The following ADAMTSL1 variants were observed in gnomAD, a reference collection of about 807,000 sequenced individuals.
ADAMTSL1 encodes the protein ADAMTS like 1.
ADAMTSL1 carries 126 observed loss-of-function variants against 201.8 expected under a neutral mutation model. That is an observed-to-expected ratio of 0.62 (90% CI 0.54 to 0.72). The LOEUF (loss-of-function observed/expected upper bound fraction) is 0.72. Among genes scored for constraint, ADAMTSL1 ranks in the 30% least tolerant of loss-of-function variants. The pLI, the probability that ADAMTSL1 is intolerant of heterozygous loss-of-function variation, is 0.00. For synonymous variants in ADAMTSL1, 1,121 were observed against 903.4 expected, an observed-to-expected ratio of 1.24 and a Z score of -4.32; for missense variants, 2,679 against 2,277.8, an observed-to-expected ratio of 1.18 and a Z score of -3.59.
chr9:18,684,299 CAA>C (rs201718795), intron 12 of ADAMTSL1, among the ~76,000 whole-genome samples: 223 of 132,678 alleles, frequency 1.7e-3, no homozygotes, highest in African/African-American at 5.9e-3. Context: ...AGCTAAAAGG[CAA>C]AAAAAAAAAA....
intron 1 of ADAMTSL1, among the ~76,000 whole-genome samples, chr9:17,970,364 C>T (rs1256627153): frequency 6.6e-6 from 1 of 152,018 alleles, no homozygotes; most frequent in Non-Finnish European, 1.5e-5. Context: ...TTGCCTTTTT[C>T]ATGTGAGCAT....
At chr9:18,567,826 A>G (rs1822019260) in intron 3 of ADAMTSL1, among the ~76,000 whole-genome samples, 1 of 152,226 alleles carries the variant, frequency 6.6e-6, no homozygotes, top group Admixed American at 6.5e-5. Flanking sequence ...TTTAATTTAT[A>G]AATCACATTG....
At chr9:18,133,989 T>C (rs1003667658) in intron 1 of ADAMTSL1, among the ~76,000 whole-genome samples, 84 of 152,114 alleles carry the variant, frequency 5.5e-4, no homozygotes, top group African/African-American at 1.8e-3. Flanking sequence ...TGAGAGAAGA[T>C]GGAATAACAG....
chr9:18,404,371 A>T (rs1818103221), intron 2 of ADAMTSL1, among the ~76,000 whole-genome samples: 1 of 152,180 alleles, frequency 6.6e-6, no homozygotes, highest in African/African-American at 2.4e-5. Context: ...TTTTATGAAT[A>T]TTTGAATCTA....
intron 2 of ADAMTSL1, among the ~76,000 whole-genome samples, chr9:18,246,129 T>G (rs1831251503): frequency 6.6e-6 from 1 of 152,202 alleles, no homozygotes; most frequent in Non-Finnish European, 1.5e-5. Flanking sequence ...CTTTTATTTT[T>G]TAATAACCGT....
At chr9:18,873,230 T>C (rs1214801980) in intron 23 of ADAMTSL1, among the ~76,000 whole-genome samples, 1 of 152,218 alleles carries the variant, frequency 6.6e-6, no homozygotes, top group African/African-American at 2.4e-5. Flanking sequence ...TTGTGAAGAT[T>C]TTCTCCCACT....
chr9:18,716,728 C>A lies in ADAMTSL1; in HGVS notation c.1877-4808C>A, dbSNP rs982003543. Among the ~76,000 whole-genome samples the A allele has an allele frequency of 6.5e-4, 97 of 148,588 alleles. 1 individual carries two copies. The highest frequency in any genetic ancestry group is 2.4e-3 in the African/African-American group (95 of 40,304). ...AGAAATACCATTTGATCCAGCCATC[C>A]CATTACTGGGTATATACCCAAAGGA... is the stretch of plus-strand genomic sequence containing the variant. On this transcript the variant is annotated intron_variant, in intron 14 of 28. Transcript: ENST00000380548.
chr9:18,385,399 C>A (rs769595326), intron 2 of ADAMTSL1, among the ~76,000 whole-genome samples: 1 of 152,110 alleles, frequency 6.6e-6, no homozygotes, highest in Non-Finnish European at 1.5e-5. Context: ...AGTGTCTCCA[C>A]TGAAAACAAT....
intron 5 of ADAMTSL1, among the ~76,000 whole-genome samples, chr9:18,634,458 G>T (rs1826971221): frequency 6.6e-6 from 1 of 152,000 alleles, no homozygotes; most frequent in African/African-American, 2.4e-5. Context: ...AGCTACTTGG[G>T]GTGCTGAAGT....
intron 2 of ADAMTSL1, among the ~76,000 whole-genome samples, chr9:18,409,243 C>CATGGT (rs765041881): frequency 1.3e-5 from 2 of 151,484 alleles, no homozygotes; most frequent in South Asian, 4.2e-4. Context: ...ATTAGCCAGG[C>CATGGT]ATGGTGGTGC....
chr9:18,223,705 T>C (rs1026343026), intron 2 of ADAMTSL1, among the ~76,000 whole-genome samples: 1 of 152,148 alleles, frequency 6.6e-6, no homozygotes, highest in Admixed American at 6.5e-5. Context: ...TTTTATGTAT[T>C]GTACCTGAAA....
At chr9:18,233,066 C>G (rs66580515) in intron 2 of ADAMTSL1, among the ~76,000 whole-genome samples, 18,093 of 152,178 alleles carry the variant, frequency 0.12, 1,137 homozygotes, top group Middle Eastern at 0.22. Context: ...GTTCCTCAAG[C>G]ACAGAGCTTG....
intron 1 of ADAMTSL1, among the ~76,000 whole-genome samples, chr9:18,119,027 C>T (rs929786405): frequency 6.6e-6 from 1 of 152,166 alleles, no homozygotes; most frequent in Non-Finnish European, 1.5e-5. Flanking sequence ...CCTTCACATA[C>T]TGATCATGTG....
At chr9:18,260,773 C>G (rs1006490544) in intron 2 of ADAMTSL1, among the ~76,000 whole-genome samples, 1 of 152,174 alleles carries the variant, frequency 6.6e-6, no homozygotes, top group East Asian at 1.9e-4. Flanking sequence ...TGAATTGGTG[C>G]CAGGCCACTT....
intron 1 of ADAMTSL1, among the ~76,000 whole-genome samples, chr9:17,940,961 C>T (rs545748780): frequency 1.3e-5 from 2 of 152,024 alleles, no homozygotes; most frequent in East Asian, 1.9e-4. Context: ...TTTCACATTT[C>T]CTACAAATCC....
At chr9:18,190,121 C>T (rs1170997865) in intron 2 of ADAMTSL1, among the ~76,000 whole-genome samples, 8 of 152,184 alleles carry the variant, frequency 5.3e-5, no homozygotes, top group Admixed American at 5.2e-4. Flanking sequence ...ACAATAGTCA[C>T]AGAAGCTCAG....
At chr9:18,097,608 C>CATGTGTACAATTTTCATCAATG (rs1824310994) in intron 1 of ADAMTSL1, among the ~76,000 whole-genome samples, 1 of 152,152 alleles carries the variant, frequency 6.6e-6, no homozygotes, top group African/African-American at 2.4e-5. Context: ...TTTCATCAAT[C>CATGTGTACAATTTTCATCAATG]TAATGCATGT....
chr9:18,639,968 A>C (rs1827342588), intron 7 of ADAMTSL1, among the ~76,000 whole-genome samples: 1 of 152,160 alleles, frequency 6.6e-6, no homozygotes, highest in African/African-American at 2.4e-5. Context: ...ACTTTTGGGA[A>C]TCACAATAAA....
intron 1 of ADAMTSL1, among the ~76,000 whole-genome samples, chr9:18,022,555 G>A (rs774871610): frequency 7.9e-5 from 12 of 151,336 alleles, no homozygotes; most frequent in Non-Finnish European, 1.5e-4. Flanking sequence ...TTTTTTTTTA[G>A]TTGAAGAAAA....
Sources: gnomAD v4.1 joint callset for allele counts (sites outside exome capture counted in the v4.1 genomes callset) on GRCh38, gnomAD v4.1.1 for gene constraint, MANE v1.5 for transcripts, NCBI Gene and HGNC (gene_info 2026-07-23, HGNC 2026-07-21) for gene names.